The following FAM3C variants were observed in gnomAD, a reference collection of about 807,000 sequenced individuals.
FAM3C encodes protein FAM3C.
Under a neutral mutation model 32.5 loss-of-function variants are expected in FAM3C, and 15 were observed. The ratio of observed to expected loss-of-function variants is 0.46; its 90% confidence interval spans 0.31 to 0.71. The LOEUF (loss-of-function observed/expected upper bound fraction) is 0.71, where lower values mean the gene tolerates loss of function less well. FAM3C is among the 30% of genes least tolerant of loss of function. The probability of loss-of-function intolerance (pLI) is 0.05; values close to 1 mark genes in which losing one functional copy is unlikely to be tolerated. For missense variants in FAM3C, 175 were observed against 274.4 expected (o/e 0.64, Z 2.56); for synonymous variants, 75 against 86.1 (o/e 0.87, Z 0.72).
intron 1 of FAM3C, among the ~76,000 whole-genome samples, chr7:121,394,112 T>G (rs1043268633): frequency 6.6e-6 from 1 of 152,256 alleles, no homozygotes; most frequent in African/African-American, 2.4e-5. Context: ...GTCTTATTCA[T>G]AGTATCCATG....
intron 1 of FAM3C, among the ~76,000 whole-genome samples, chr7:121,386,168 T>A (rs569624012): frequency 6.6e-6 from 1 of 152,244 alleles, no homozygotes; most frequent in African/African-American, 2.4e-5. Flanking sequence ...ATGGAAATGA[T>A]ACAAGAAAAT....
At chr7:121,362,841 T>C (rs1793952610) in intron 7 of FAM3C, 56 bp downstream of exon 7, 2 of 888,098 alleles carry the variant, frequency 2.3e-6, no homozygotes, top group African/African-American at 1.7e-5. Context: ...CTACATTGTA[T>C]TGAGGTGATT....
chr7:121,393,271 T>C (rs985283028), intron 1 of FAM3C, among the ~76,000 whole-genome samples: 3 of 151,966 alleles, frequency 2.0e-5, no homozygotes, highest in African/African-American at 4.8e-5. Flanking sequence ...CTGTGCAAAA[T>C]AGTAAGATCC....
chr7:121,390,542 T>G (rs1794553116), intron 1 of FAM3C, among the ~76,000 whole-genome samples: 1 of 151,918 alleles, frequency 6.6e-6, no homozygotes, highest in South Asian at 2.1e-4. Context: ...GGCTTAGGAG[T>G]CATGCAGCTG....
intron 5 of FAM3C, among the ~76,000 whole-genome samples, chr7:121,366,785 G>T (rs573737291): frequency 6.4e-4 from 97 of 152,268 alleles, no homozygotes; most frequent in Non-Finnish European, 9.7e-4. Context: ...CTTAACCATT[G>T]GCTCAGCTGC....
chr7:121,371,908 G>A lies in FAM3C; in HGVS notation c.148+202C>T, dbSNP rs112542844. ...CACCAATTTCTGTACTTATAATAACGGAGCTAAAAAACACAAAATATCCAT... is the reference window on the plus strand; with the variant it reads ...CACCAATTTCTGTACTTATAATAACAGAGCTAAAAAACACAAAATATCCAT... On this transcript the variant is annotated intron_variant, in intron 4 of 9. Transcript: ENST00000359943. 2.5e-3 allele frequency among the ~76,000 whole-genome samples: 385 copies of A among 152,064 alleles called. 1 individual carries two copies. Among genetic ancestry groups the A allele is most frequent in the Non-Finnish European group, 3.8e-3 (261 of 67,984 alleles).
chr7:121,378,543 G>C (rs1343343270), intron 3 of FAM3C, among the ~76,000 whole-genome samples: 3 of 152,066 alleles, frequency 2.0e-5, no homozygotes, highest in African/African-American at 4.8e-5. Flanking sequence ...CTAATCATAT[G>C]GCTAACTGAG....
intron 1 of FAM3C, among the ~76,000 whole-genome samples, chr7:121,387,219 T>G (rs142449018): frequency 2.0e-5 from 3 of 152,248 alleles, no homozygotes; most frequent in African/African-American, 7.2e-5. Context: ...TCAACCCACT[T>G]AAAAATGTGA....
chr7:121,388,964 G>A (rs1356829781), intron 1 of FAM3C, among the ~76,000 whole-genome samples: 1 of 152,086 alleles, frequency 6.6e-6, no homozygotes, highest in Admixed American at 6.6e-5. Context: ...ACAGTGAATG[G>A]AGAAAAACAC....
chr7:121,375,688 A>G (rs1449549933), intron 3 of FAM3C, among the ~76,000 whole-genome samples: 2 of 152,174 alleles, frequency 1.3e-5, no homozygotes, highest in Non-Finnish European at 2.9e-5. Context: ...CATCAGCTGC[A>G]TGTGCACAGT....
chr7:121,357,030 A>G (rs1441039251), intron 8 of FAM3C, among the ~76,000 whole-genome samples: 3 of 152,162 alleles, frequency 2.0e-5, no homozygotes, highest in Admixed American at 2.0e-4. Context: ...GTGAATCCCG[A>G]AAAGGGGCAA....
At chr7:121,351,351 A>G in intron 8 of FAM3C, 82 bp from the exon 9 acceptor site, 1 of 1,260,842 alleles carries the variant, frequency 7.9e-7, no homozygotes, top group Non-Finnish European at 1.1e-6. Flanking sequence ...TTAACACAAA[A>G]CATGAGACAA....
rs995747027 is a variant in FAM3C at position 121,358,984 on chromosome 7, G to GA, written c.467+1058dup. ...AGACAATTTACATAAAAAGGCAAAA[G>GA]AAAAAAAAACCACTTGTGAAAAAAA... On this transcript the variant is annotated intron_variant, in intron 8 of 9. Coordinates refer to ENST00000359943, the MANE Select transcript of FAM3C (RefSeq NM_014888.3). Among the ~76,000 whole-genome samples the GA allele has an allele frequency of 8.2e-5, 12 of 146,366 alleles. No homozygotes were observed. In the South Asian group the frequency reaches 1.1e-3, roughly 14 times the overall value.
intron 3 of FAM3C, among the ~76,000 whole-genome samples, chr7:121,375,706 C>A (rs1189536299): frequency 6.6e-5 from 10 of 152,104 alleles, no homozygotes. Flanking sequence ...AGTGACTATA[C>A]CACACTGTAG....
rs185452201 is a variant in FAM3C, at chr7:121,387,185, C to T, written c.-41-4175G>A. ...AATTTCATAAAATGTTCATGTGTCA[C>T]AAAATTATTCTTTTGATTTTTTTTC... On this transcript the variant is annotated intron_variant, in intron 1 of 9. Transcript: ENST00000359943. 9.3e-4 allele frequency among the ~76,000 whole-genome samples: 141 copies of T among 151,958 alleles called. 1 individual carries two copies. The highest frequency in any genetic ancestry group is 3.9e-4 in the East Asian group (2 of 5,176).
At chr7:121,385,218 C>A (rs1255137349) in intron 1 of FAM3C, among the ~76,000 whole-genome samples, 2 of 151,914 alleles carry the variant, frequency 1.3e-5, no homozygotes, top group Non-Finnish European at 2.9e-5. Flanking sequence ...AGCCACTTAC[C>A]AAAACCAGAA....
chr7:121,373,349 G>A (rs1794183864), intron 3 of FAM3C, among the ~76,000 whole-genome samples: 1 of 152,146 alleles, frequency 6.6e-6, no homozygotes, highest in African/African-American at 2.4e-5. Context: ...CAAAAGCCCT[G>A]TACTAAGTCT....
At chr7:121,352,371 C>G (rs558482901) in intron 8 of FAM3C, among the ~76,000 whole-genome samples, 1 of 152,268 alleles carries the variant, frequency 6.6e-6, no homozygotes, top group South Asian at 2.1e-4. Context: ...TATCATTAAA[C>G]TTTCATGATT....
At chr7:121,376,473 T>C (rs1483178625) in intron 3 of FAM3C, among the ~76,000 whole-genome samples, 1 of 152,200 alleles carries the variant, frequency 6.6e-6, no homozygotes, top group Non-Finnish European at 1.5e-5. Context: ...GGTTTAAGTA[T>C]CCCTTATCCA....
Sources: allele counts gnomAD v4.1 joint callset (sites outside exome capture counted in the v4.1 genomes callset), GRCh38; gene constraint gnomAD v4.1.1; transcripts MANE v1.5; gene names NCBI Gene and HGNC (gene_info 2026-07-23, HGNC 2026-07-21).